Variants in SIK2 observed in about 807,000 individuals in gnomAD.
SIK2 encodes the protein salt inducible kinase 2.
In SIK2, 29 loss-of-function variants were observed where a neutral mutation model predicts 103.2. The ratio of observed to expected loss-of-function variants is 0.28; its 90% CI spans 0.21 to 0.38. SIK2 has a LOEUF of 0.38. Ranked by LOEUF, SIK2 falls within the 10% of genes least tolerant of loss-of-function variation. SIK2 has a pLI of 1.00. For missense variants in SIK2, 879 were observed against 1,171.0 expected, an observed-to-expected ratio of 0.75 and a Z score of 3.64; for synonymous variants, 412 against 446.1, an observed-to-expected ratio of 0.92 and a Z score of 0.96.
intron 4 of SIK2, among the ~76,000 whole-genome samples, chr11:111,694,677 C>T (rs180739890): frequency 6.6e-5 from 10 of 152,192 alleles, no homozygotes; most frequent in South Asian, 6.2e-4. Flanking sequence ...ACTAGCATTA[C>T]GTAAAAAGTA....
At chr11:111,692,716 A>T (rs1220269661) in intron 4 of SIK2, among the ~76,000 whole-genome samples, 2 of 152,192 alleles carry the variant, frequency 1.3e-5, no homozygotes, top group Non-Finnish European at 2.9e-5. Flanking sequence ...AGAACTCTTA[A>T]ATCTTAATGG....
At chr11:111,625,417 G>A (rs1426353484) in intron 3 of SIK2, among the ~76,000 whole-genome samples, 1 of 152,074 alleles carries the variant, frequency 6.6e-6, no homozygotes, top group East Asian at 1.9e-4. Context: ...CTCGACAGGT[G>A]GAGACTACCT....
chr11:111,635,440 A>AAGGGAGGG (rs1350902076), intron 3 of SIK2, among the ~76,000 whole-genome samples: 1 of 81,386 alleles, frequency 1.2e-5, no homozygotes, highest in Non-Finnish European at 2.3e-5. Flanking sequence ...GGAAGGAAGG[A>AAGGGAGGG]AGGGAGGGAG....
In SIK2 at chr11:111,701,695, A is replaced by G. The variant is rs777358634; in HGVS notation, c.727+120A>G. 3.8e-6 allele frequency: 5 copies of G among 1,312,082 alleles called. No individual in the cohort carries two copies. The highest frequency in any genetic ancestry group is 5.2e-6 in the Non-Finnish European group (5 of 968,256). 81.3% of individuals were successfully genotyped at this position (1,312,082 alleles called of 1,614,324 possible). On this transcript the variant is annotated intron_variant, in intron 6 of 14. Coordinates refer to ENST00000304987, the MANE Select transcript of SIK2 (RefSeq NM_015191.3). The surrounding 1 kb of genome is among the most constrained non-coding windows in gnomAD (Gnocchi z 4.2). Reference sequence around the variant, plus strand: ...GTGCCAAATAAAGTGACTGAGCTGTAGGTTAAAAGCTATAGAAAGAAGCAA... The same window carrying G: ...GTGCCAAATAAAGTGACTGAGCTGTGGGTTAAAAGCTATAGAAAGAAGCAA...
chr11:111,625,610 A>G (rs1374885898), intron 3 of SIK2, among the ~76,000 whole-genome samples: 1 of 152,244 alleles, frequency 6.6e-6, no homozygotes, highest in African/African-American at 2.4e-5. Flanking sequence ...AACATCTGTG[A>G]CAAATGATGC....
Position 111,700,867 on chromosome 11 carries a change from T to G in SIK2, c.479-19T>G, listed in dbSNP as rs1236335552. 6.2e-7 allele frequency: 1 copy of G among 1,613,068 alleles called. No homozygotes were observed. Among genetic ancestry groups the G allele is most frequent in the Non-Finnish European group, 8.5e-7 (1 of 1,179,342 alleles). On this transcript the variant is annotated intron_variant, in intron 4 of 14. Coordinates refer to ENST00000304987, the MANE Select transcript of SIK2 (RefSeq NM_015191.3). ...TTTGAGAGCATAGATGAAAATAACA[T>G]TTATTTCCATCCTAATAGATTTCGG...
At position 111,688,778 on chromosome 11, in the gene SIK2, T is replaced by C. The variant is rs1202526838; in HGVS notation, c.478+616T>C. ...AAAACTCTCATTCACTCAATAAATA[T>C]GTATCAGGTACTGTGCTATGTTAAG... On this transcript the variant is annotated intron_variant, in intron 4 of 14. Coordinates refer to ENST00000304987, the MANE Select transcript of SIK2 (RefSeq NM_015191.3). The surrounding 1 kb of genome is among the most constrained non-coding windows in gnomAD (Gnocchi z 4.2). Among the ~76,000 whole-genome samples, 3 of 152,218 alleles carry C rather than the reference T, an allele frequency of 2.0e-5. No individual in the cohort carries two copies. The highest frequency in any genetic ancestry group is 4.4e-5 in the Non-Finnish European group (3 of 68,042).
intron 3 of SIK2, among the ~76,000 whole-genome samples, chr11:111,680,813 G>A (rs1942767391): frequency 6.6e-6 from 1 of 152,204 alleles, no homozygotes; most frequent in African/African-American, 2.4e-5. Flanking sequence ...TATGTATCAG[G>A]CACTATGCTA....
At chr11:111,628,408 G>A (rs1290080824) in intron 3 of SIK2, among the ~76,000 whole-genome samples, 4 of 57,516 alleles carry the variant, frequency 7.0e-5, no homozygotes, top group African/African-American at 1.1e-4. Context: ...AGAGGCAACC[G>A]CTTTCATATC....
At position 111,616,170 on chromosome 11, in the gene SIK2, A is replaced by T. The variant is rs1016619709; in HGVS notation, c.136-73A>T. ...CTACAGGTGAAGTCTCATGTCATTT[A>T]TTGACAGGATTCTTAACTAGAAAAT... On this transcript the variant is annotated intron_variant, in intron 1 of 14. Coordinates refer to ENST00000304987, the MANE Select transcript of SIK2 (RefSeq NM_015191.3). 27 of 981,684 alleles carry T rather than the reference A, an allele frequency of 2.8e-5. No individual in the cohort carries two copies. The Admixed American group carries it at 5.2e-4, about 19-fold the overall frequency. 60.8% of individuals were successfully genotyped at this position (981,684 alleles called of 1,614,324 possible).
intron 3 of SIK2, among the ~76,000 whole-genome samples, chr11:111,687,265 C>G (rs931009698): frequency 1.3e-5 from 2 of 151,892 alleles, no homozygotes; most frequent in African/African-American, 4.8e-5. Context: ...ACCTGTAATC[C>G]CAGTACTTTG....
chr11:111,665,838 AAAAG>A lies in SIK2; in HGVS notation c.317-22151_317-22148del, dbSNP rs199922727. Among the ~76,000 whole-genome samples, 227 of 152,240 alleles carry A rather than the reference AAAAG, an allele frequency of 1.5e-3. 3 individuals are homozygous for A. The East Asian group carries it at 0.038, about 25-fold the overall frequency. On this transcript the variant is annotated intron_variant, in intron 3 of 14. Coordinates refer to ENST00000304987, the MANE Select transcript of SIK2 (RefSeq NM_015191.3). ...CAAAACTCCATCTCAAAAAAAGAAA[AAAAG>A]AAAGAAAGAAAAAGAAAAAAAAAAA... is the stretch of plus-strand genomic sequence containing the variant.
chr11:111,695,563 C>T (rs1274010441), intron 4 of SIK2, among the ~76,000 whole-genome samples: 1 of 152,160 alleles, frequency 6.6e-6, no homozygotes, highest in African/African-American at 2.4e-5. Flanking sequence ...TTTTTCACCG[C>T]CTCTGTTTTA....
intron 4 of SIK2, among the ~76,000 whole-genome samples, chr11:111,697,384 T>C (rs1010916081): frequency 1.3e-5 from 2 of 152,098 alleles, no homozygotes; most frequent in African/African-American, 2.4e-5. Flanking sequence ...CAGAATGTTG[T>C]CCCCCATTCC....
rs1416713616 is a variant in SIK2, at chr11:111,602,888, C to A, written c.135+190C>A. ...TCGGTGAGCAGCGAAGGGATCGGGC[C>A]CGGGCACCCGGACCCGAGTGTCGTC... is the stretch of plus-strand genomic sequence containing the variant. On this transcript the variant is annotated intron_variant, in intron 1 of 14. Coordinates refer to ENST00000304987, the MANE Select transcript of SIK2 (RefSeq NM_015191.3). This position sits in a 1 kb window ranked among gnomAD's most constrained non-coding sequence, Gnocchi z 4.5. Among the ~76,000 whole-genome samples the A allele has an allele frequency of 6.6e-6, 1 of 152,110 alleles. No individual in the cohort carries two copies. Among genetic ancestry groups the A allele is most frequent in the African/African-American group, 2.4e-5 (1 of 41,444 alleles).
chr11:111,713,739 C>T (rs1943563684), intron 9 of SIK2, among the ~76,000 whole-genome samples: 2 of 152,132 alleles, frequency 1.3e-5, no homozygotes, highest in Admixed American at 6.5e-5. Flanking sequence ...GAGGCCAAGG[C>T]GGACAGATCA....
intron 12 of SIK2, 32 bp downstream of exon 12, chr11:111,721,094 C>A (rs1031884531): frequency 6.3e-6 from 10 of 1,591,324 alleles, no homozygotes; most frequent in Non-Finnish European, 8.5e-6. Flanking sequence ...CTCAATGGCT[C>A]TGTGAGGATG....
chr11:111,682,672 C>T (rs1196708508), intron 3 of SIK2, among the ~76,000 whole-genome samples: 3 of 152,088 alleles, frequency 2.0e-5, no homozygotes, highest in Non-Finnish European at 4.4e-5. Flanking sequence ...GTTGATAACT[C>T]GAATTTAGGT....
At chr11:111,671,022 C>A in intron 3 of SIK2, 1 of 161,608 alleles carries the variant, frequency 6.2e-6, no homozygotes, top group South Asian at 1.6e-4. Context: ...TCTTCACAAT[C>A]AGGTCCCTGG....
Sources: gnomAD v4.1 joint callset for allele counts (sites outside exome capture counted in the v4.1 genomes callset) on GRCh38, gnomAD v4.1.1 for gene constraint, Gnocchi (gnomAD v3.1) non-coding constraint, MANE v1.5 for transcripts, NCBI Gene and HGNC (gene_info 2026-07-23, HGNC 2026-07-21) for gene names.